Variants in TLCD4 observed in about 807,000 individuals in gnomAD.
TLCD4 encodes the protein TLC domain containing 4.
TLCD4 carries 7 observed loss-of-function variants against 24.2 expected under a neutral mutation model. The observed-to-expected ratio is 0.29, with a 90% CI of 0.16 to 0.54. The LOEUF (loss-of-function observed/expected upper bound fraction) is 0.54, where lower values mean the gene tolerates loss of function less well. Ranked by LOEUF, TLCD4 falls within the 20% of genes least tolerant of loss-of-function variation. The pLI is 0.95. For missense variants in TLCD4, 259 were observed against 313.9 expected (o/e 0.82, Z 1.32); for synonymous variants, 103 against 106.4 (o/e 0.97, Z 0.20).
At position 95,191,889 on chromosome 1, in the gene TLCD4, AACTTCATT is replaced by A. The variant is rs1557701374; in HGVS notation, c.*25_*32del. The A allele has an allele frequency of 1.2e-6, 2 of 1,602,218 alleles. No individual in the cohort carries two copies. Among genetic ancestry groups the A allele is most frequent in the East Asian group, 4.5e-5 (2 of 44,804 alleles). On this transcript the variant is annotated 3_prime_UTR_variant, in exon 7 of 7. Transcript: ENST00000370203. ...ATTAAAAGAGTGCTACCGATAAGCA[AACTTCATT>A]ACTACCCAGCATATCTGCTGATAGG...
At chr1:95,175,505 A>C (rs535764780) in intron 6 of TLCD4, among the ~76,000 whole-genome samples, 41 of 152,318 alleles carry the variant, frequency 2.7e-4, no homozygotes, top group Non-Finnish European at 4.9e-4. Flanking sequence ...ATGGGCATAC[A>C]AATATATTTT....
intron 5 of TLCD4, chr1:95,163,349 T>C (rs1677894546): frequency 6.6e-6 from 1 of 152,198 alleles, no homozygotes; most frequent in Non-Finnish European, 1.5e-5. Flanking sequence ...TTCAGCTCCA[T>C]TGGGTACCTG....
chr1:95,143,929 A>T lies in TLCD4; in HGVS notation c.28A>T (p.Ser10Cys). The change falls in exon 2 of 7, where the codon AGT (serine) becomes TGT (cysteine). Residue 10 changes from serine to cysteine, a missense_variant. Transcript: ENST00000370203. ...GGAGATCAACACAAAACTGCTCATC[A>T]GTGTTACCTGTATCAGCTTTTTCAC... The part of the protein sequence containing the change: MEINTKLLI[S>C]VTCISFFTFQ... 1 of 1,510,186 alleles carries T rather than the reference A, an allele frequency of 6.6e-7. No homozygotes were observed. The highest frequency in any genetic ancestry group is 8.8e-7 in the Non-Finnish European group (1 of 1,130,648). 93.5% of individuals were successfully genotyped at this position (1,510,186 alleles called of 1,614,324 possible). A position where few individuals can be genotyped will look rare whatever the true frequency, so the allele number is the denominator to read the frequency against.
chr1:95,177,272 GA>G (rs1191434246), intron 6 of TLCD4, among the ~76,000 whole-genome samples: 1 of 151,864 alleles, frequency 6.6e-6, no homozygotes, highest in African/African-American at 2.4e-5. Context: ...CCCCATCTTT[GA>G]AAAATTTACT....
chr1:95,093,711 C>T, the TLCD4 span, among the ~76,000 whole-genome samples: 83,878 of 152,064 alleles, frequency 0.55, 23,810 homozygotes, highest in Non-Finnish European at 0.59. Context: ...TTGACAATTC[C>T]GAAATTCGTA....
Position 95,150,755 on chromosome 1 carries a change from T to A in TLCD4, c.304+489T>A. On this transcript the variant is annotated intron_variant, in intron 4 of 6. Coordinates refer to ENST00000370203, the MANE Select transcript of TLCD4 (RefSeq NM_152487.3). ...AATTAGTATTTAATTGCATTCTTTTTTATTTTTAAAATATTTTTTGTACGA... is the reference window on the plus strand; with the variant it reads ...AATTAGTATTTAATTGCATTCTTTTATATTTTTAAAATATTTTTTGTACGA... 1.3e-5 allele frequency among the ~76,000 whole-genome samples: 2 copies of A among 149,946 alleles called. 1 individual carries two copies.
chr1:95,141,291 A>G (rs1169507851), intron 1 of TLCD4, among the ~76,000 whole-genome samples: 4 of 152,218 alleles, frequency 2.6e-5, no homozygotes, highest in South Asian at 4.1e-4. Flanking sequence ...CAGTAGTTAA[A>G]TGAACAATTC....
chr1:95,183,775 T>C (rs1678731765), intron 6 of TLCD4, among the ~76,000 whole-genome samples: 1 of 152,004 alleles, frequency 6.6e-6, no homozygotes. Context: ...GAGGCGGAGA[T>C]TGCAGTGAGC....
chr1:95,117,802 C>T (rs1676468383), intron 1 of TLCD4, 185 bp downstream of exon 1: 1 of 150,946 alleles, frequency 6.6e-6, no homozygotes, highest in Non-Finnish European at 1.5e-5. Flanking sequence ...GGAGGCGGCC[C>T]GGGGCTCCCG....
intron 1 of TLCD4, among the ~76,000 whole-genome samples, chr1:95,123,735 T>C (rs1378798913): frequency 6.6e-6 from 1 of 152,176 alleles, no homozygotes; most frequent in Non-Finnish European, 1.5e-5. Context: ...TTGCTTCTTT[T>C]ATCACCTTTT....
chr1:95,143,018 G>T (rs1336626316), intron 1 of TLCD4, among the ~76,000 whole-genome samples: 1 of 152,042 alleles, frequency 6.6e-6, no homozygotes, highest in Non-Finnish European at 1.5e-5. Flanking sequence ...GGAAGACTTG[G>T]CTGGCAGTCA....
intron 6 of TLCD4, among the ~76,000 whole-genome samples, chr1:95,174,551 G>A (rs148082693): frequency 2.9e-4 from 44 of 151,044 alleles, no homozygotes; most frequent in African/African-American, 1.1e-3. Flanking sequence ...AGCTGGGCAC[G>A]ATGGTGCTTG....
At chr1:95,162,763 C>G (rs925096708) in intron 5 of TLCD4, among the ~76,000 whole-genome samples, 2 of 152,144 alleles carry the variant, frequency 1.3e-5, no homozygotes, top group African/African-American at 4.8e-5. Context: ...ACTTATGAAG[C>G]TTAGTTTAGC....
rs541565070 is a variant in TLCD4, at chr1:95,169,610, G to A, written c.400-4206G>A. On this transcript the variant is annotated intron_variant, in intron 5 of 6. Coordinates refer to ENST00000370203, the MANE Select transcript of TLCD4 (RefSeq NM_152487.3). ...AGTAATCTTTTAAATTCTCAAAAAAGGTCTTAAATATAGTATACTTCATGA... is the reference window on the plus strand; with the variant it reads ...AGTAATCTTTTAAATTCTCAAAAAAAGTCTTAAATATAGTATACTTCATGA... Among the ~76,000 whole-genome samples the A allele has an allele frequency of 1.1e-4, 17 of 149,144 alleles. 1 individual carries two copies. Among genetic ancestry groups the A allele is most frequent in the Middle Eastern group, 3.4e-3 (1 of 294 alleles).
chr1:95,157,257 A>G (rs1043548890), intron 5 of TLCD4, among the ~76,000 whole-genome samples: 31 of 152,238 alleles, frequency 2.0e-4, no homozygotes, highest in Admixed American at 7.2e-4. Context: ...CTTTTTTCCT[A>G]TATACATACG....
At chr1:95,126,699 G>A (rs376626676) in intron 1 of TLCD4, among the ~76,000 whole-genome samples, 42 of 152,184 alleles carry the variant, frequency 2.8e-4, no homozygotes, top group East Asian at 1.2e-3. Context: ...TTGGCTGTCA[G>A]CTGGGCAACC....
chr1:95,106,201 C>T, the TLCD4 span, among the ~76,000 whole-genome samples: 1 of 152,118 alleles, frequency 6.6e-6, no homozygotes, highest in Admixed American at 6.6e-5. Flanking sequence ...AGTTTCTTAC[C>T]TGTAACAAAA....
intron 5 of TLCD4, among the ~76,000 whole-genome samples, chr1:95,167,809 A>G (rs1678070576): frequency 6.6e-6 from 1 of 152,092 alleles, no homozygotes; most frequent in Non-Finnish European, 1.5e-5. Flanking sequence ...GCTTAATGTA[A>G]CGCTCCCTTT....
chr1:95,102,998 A>C, the TLCD4 span, among the ~76,000 whole-genome samples: 4 of 146,388 alleles, frequency 2.7e-5, no homozygotes, highest in Non-Finnish European at 6.1e-5. Flanking sequence ...TTTTTTTTTG[A>C]GACTGAGTCT....
Sources: gnomAD v4.1 joint callset for allele counts (sites outside exome capture counted in the v4.1 genomes callset) on GRCh38, gnomAD v4.1.1 for gene constraint, MANE v1.5 for transcripts, NCBI Gene and HGNC (gene_info 2026-07-23, HGNC 2026-07-21) for gene names.